The following SHCBP1L variants were observed in gnomAD, a reference collection of about 807,000 sequenced individuals.
SHCBP1L encodes SHC binding and spindle associated 1 like.
Under a neutral mutation model 62.5 loss-of-function variants are expected in SHCBP1L, and 67 were observed. The observed-to-expected ratio is 1.07, with a 90% CI of 0.88 to 1.31. The LOEUF is 1.31. SHCBP1L is among the 40% of genes most tolerant of loss of function. SHCBP1L has a pLI of 0.00. For synonymous variants in SHCBP1L, 284 were observed against 289.4 expected (o/e 0.98, Z 0.19); for missense variants, 823 against 809.8 (o/e 1.02, Z -0.20).
Position 182,932,557 on chromosome 1 carries a change from C to T in SHCBP1L, c.1077-2805G>A, listed in dbSNP as rs541217103. ...ATGCAGTGGCACAATCTCAGCGGCA[C>T]GATCTCAGCTCACTGCAACCTCTGC... On this transcript the variant is annotated intron_variant, in intron 5 of 9. Coordinates refer to ENST00000367547, the MANE Select transcript of SHCBP1L (RefSeq NM_030933.4). Among the ~76,000 whole-genome samples, 13 of 152,208 alleles carry T rather than the reference C, an allele frequency of 8.5e-5. 1 individual carries two copies. In the South Asian group the frequency reaches 2.1e-3, roughly 24 times the overall value.
At chr1:182,944,057 G>C (rs1428252743) in intron 2 of SHCBP1L, among the ~76,000 whole-genome samples, 1 of 151,318 alleles carries the variant, frequency 6.6e-6, no homozygotes, top group East Asian at 2.0e-4. Context: ...GGAGGTGGAG[G>C]TTGCAGTGAG....
At chr1:182,944,308 G>T in intron 2 of SHCBP1L, 1 of 152,258 alleles carries the variant, frequency 6.6e-6, no homozygotes. Context: ...GGAAGGCTAG[G>T]GCAGGAGAAT....
At chr1:182,914,895 T>TGTG (rs1650303459) in intron 6 of SHCBP1L, among the ~76,000 whole-genome samples, 1 of 150,802 alleles carries the variant, frequency 6.6e-6, no homozygotes, top group African/African-American at 2.4e-5. Context: ...TCAGGCCGGG[T>TGTG]GTGGTGGCTC....
rs754413481 is a variant in SHCBP1L, at chr1:182,952,717, G to C, written c.405+12C>G. The C allele has an allele frequency of 6.3e-7, 1 of 1,591,954 alleles. No homozygotes were observed. The highest frequency in any genetic ancestry group is 1.4e-5 in the African/African-American group (1 of 73,270). ...CTTCCGACCGTAGTCTTCCTGTCCC[G>C]GATCCGCTCACCTTACAGTCCTGCA... On this transcript the variant is annotated intron_variant, in intron 1 of 9. Transcript: ENST00000367547.
chr1:182,949,494 C>T (rs941678678), intron 2 of SHCBP1L, among the ~76,000 whole-genome samples: 3 of 151,902 alleles, frequency 2.0e-5, no homozygotes, highest in South Asian at 2.1e-4. Context: ...GTCGGGGGTT[C>T]GAGACCAGCC....
chr1:182,900,664 C>T (rs1042837027), intron 9 of SHCBP1L, among the ~76,000 whole-genome samples: 7 of 152,150 alleles, frequency 4.6e-5, no homozygotes, highest in African/African-American at 1.7e-4. Flanking sequence ...AGCTCCTGAC[C>T]TCGTGATCCA....
Position 182,952,737 on chromosome 1 carries a change from C to T in SHCBP1L, c.397G>A (p.Asp133Asn). The change falls in exon 1 of 10, where the codon GAC becomes AAC. Residue 133 changes from aspartate (D) to asparagine (N), a missense_variant. By Grantham distance (23) the Asp-to-Asn change is conservative. Transcript: ENST00000367547. ...VSLYCDEVLQ[D>N]CKAEDADEVM... ...GTCCCGGATCCGCTCACCTTACAGT[C>T]CTGCAGCACTTCGTCGCAATACAGC... is the stretch of plus-strand genomic sequence containing the variant. 7 of 1,609,008 alleles carry T rather than the reference C, an allele frequency of 4.4e-6. No homozygotes were observed. The highest frequency in any genetic ancestry group is 5.1e-6 in the Non-Finnish European group (6 of 1,177,992).
Position 182,933,650 on chromosome 1 carries a change from G to A in SHCBP1L, c.1077-3898C>T, listed in dbSNP as rs569440040. ...TTATATATTATACTGATTGATTTTCGTATTTTAAAACAACATTGGATTCCT... is the reference window on the plus strand; with the variant it reads ...TTATATATTATACTGATTGATTTTCATATTTTAAAACAACATTGGATTCCT... On this transcript the variant is annotated intron_variant, in intron 5 of 9. Transcript: ENST00000367547. Among the ~76,000 whole-genome samples the A allele has an allele frequency of 2.4e-4, 37 of 151,930 alleles. No individual in the cohort carries two copies. The East Asian group carries it at 6.0e-3, about 25-fold the overall frequency.
chr1:182,948,130 T>C (rs944291775), intron 2 of SHCBP1L, among the ~76,000 whole-genome samples: 13 of 152,244 alleles, frequency 8.5e-5, no homozygotes, highest in African/African-American at 3.1e-4. Flanking sequence ...GTTAAGTATT[T>C]GGGAAGTCAA....
At chr1:182,942,460 T>C in intron 2 of SHCBP1L, 2 of 671,990 alleles carry the variant, frequency 3.0e-6, no homozygotes, top group Non-Finnish European at 5.5e-6. Context: ...GCCGAGAGCC[T>C]CCGCGAAACT....
chr1:182,910,704 C>T lies in SHCBP1L; in HGVS notation c.1183-5055G>A, dbSNP rs142452382. Among the ~76,000 whole-genome samples, 5 of 152,282 alleles carry T rather than the reference C, an allele frequency of 3.3e-5. No individual in the cohort carries two copies. The East Asian group carries it at 7.7e-4, about 24-fold the overall frequency. On this transcript the variant is annotated intron_variant, in intron 6 of 9. Transcript: ENST00000367547. ...GCTAGACGTATGCTCAGAAGATACC[C>T]AAGAAGAACCTAGGCTTGCACCTTT... is the stretch of plus-strand genomic sequence containing the variant.
intron 2 of SHCBP1L, among the ~76,000 whole-genome samples, chr1:182,947,216 G>A (rs895693708): frequency 7.4e-6 from 1 of 134,412 alleles, no homozygotes; most frequent in Admixed American, 8.1e-5. Flanking sequence ...CAGCCTGGGT[G>A]ACAGAGTGAG....
chr1:182,944,650 A>C (rs960384231), intron 2 of SHCBP1L, among the ~76,000 whole-genome samples: 7 of 152,112 alleles, frequency 4.6e-5, no homozygotes, highest in Non-Finnish European at 1.0e-4. Context: ...ATATGCTTAT[A>C]TTGCTACTTA....
intron 6 of SHCBP1L, among the ~76,000 whole-genome samples, chr1:182,907,839 A>G (rs1348633247): frequency 6.6e-6 from 1 of 152,172 alleles, no homozygotes; most frequent in Non-Finnish European, 1.5e-5. Flanking sequence ...TTGGTCTCCC[A>G]AAGTGCTGGG....
Position 182,913,896 on chromosome 1 carries a change from G to T in SHCBP1L, c.1183-8247C>A, listed in dbSNP as rs1368560022. On this transcript the variant is annotated intron_variant, in intron 6 of 9. Transcript: ENST00000367547. ...CTGGGGAGGCTGAGGTAGGAGAATT[G>T]CTTGAACCTGGGAGGCAGAGGTTGC... Among the ~76,000 whole-genome samples the T allele has an allele frequency of 3.9e-5, 6 of 152,160 alleles. No individual in the cohort carries two copies. The South Asian group carries it at 1.2e-3, about 32-fold the overall frequency.
intron 3 of SHCBP1L, 77 bp downstream of exon 3, chr1:182,940,252 G>A (rs1027791885): frequency 1.6e-6 from 2 of 1,231,304 alleles, no homozygotes; most frequent in Admixed American, 4.2e-5. Flanking sequence ...TGCTTGTAAA[G>A]CGATTATATG....
intron 6 of SHCBP1L, among the ~76,000 whole-genome samples, chr1:182,915,854 T>A (rs376564540): frequency 2.0e-4 from 30 of 150,770 alleles, no homozygotes; most frequent in African/African-American, 7.1e-4. Flanking sequence ...TCGCCCAGGC[T>A]GGAGTGCAGT....
chr1:182,952,689 G>A (rs1272373721), intron 1 of SHCBP1L, 40 bp downstream of exon 1: 4 of 1,547,828 alleles, frequency 2.6e-6, no homozygotes, highest in East Asian at 2.3e-5. Context: ...AGGTTCCGAC[G>A]AGCTTCCGAC....
In SHCBP1L at chr1:182,940,866, G is replaced by A. The variant is rs574337154; in HGVS notation, c.556-323C>T. 1.4e-3 allele frequency among the ~76,000 whole-genome samples: 209 copies of A among 151,928 alleles called. 1 individual carries two copies. The highest frequency in any genetic ancestry group is 3.9e-3 in the Admixed American group (60 of 15,272). ...TGTGTGACACACACACATATGGCAG[G>A]GTCTTACTGTGGTTGCTCAGGCTAG... On this transcript the variant is annotated intron_variant, in intron 2 of 9. Coordinates refer to ENST00000367547, the MANE Select transcript of SHCBP1L (RefSeq NM_030933.4).
Sources: gnomAD v4.1 joint callset for allele counts (sites outside exome capture counted in the v4.1 genomes callset) on GRCh38, gnomAD v4.1.1 for gene constraint, MANE v1.5 for transcripts, NCBI Gene and HGNC (gene_info 2026-07-23, HGNC 2026-07-21) for gene names.